The following ZFPM2 variants were observed in gnomAD, a reference collection of about 807,000 sequenced individuals.
ZFPM2 encodes zinc finger protein, FOG family member 2.
In ZFPM2, 20 loss-of-function variants were observed where a neutral mutation model predicts 98.6. The ratio of observed to expected loss-of-function variants is 0.20; its 90% CI spans 0.14 to 0.29. The LOEUF is 0.29. Ranked by LOEUF, ZFPM2 falls within the 10% of genes least tolerant of loss-of-function variation. ZFPM2 has a pLI of 1.00. For synonymous variants in ZFPM2, 518 were observed against 502.7 expected (o/e 1.03, Z -0.41); for missense variants, 1,310 against 1,388.6 (o/e 0.94, Z 0.90).
chr8:105,776,078 T>A (rs1813098235), intron 5 of ZFPM2, among the ~76,000 whole-genome samples: 1 of 151,746 alleles, frequency 6.6e-6, no homozygotes, highest in Non-Finnish European at 1.5e-5. Flanking sequence ...TAGGAGACAT[T>A]TTCTTACAAG....
At chr8:105,773,477 T>C (rs1813028434) in intron 5 of ZFPM2, among the ~76,000 whole-genome samples, 1 of 152,008 alleles carries the variant, frequency 6.6e-6, no homozygotes, top group Non-Finnish European at 1.5e-5. Context: ...TATGAAAATA[T>C]TCATTTGGAG....
intron 5 of ZFPM2, among the ~76,000 whole-genome samples, chr8:105,666,793 T>C (rs1057177681): frequency 1.3e-4 from 20 of 149,436 alleles, no homozygotes; most frequent in African/African-American, 4.8e-4. Context: ...TCTGCATTTT[T>C]TTACCACCAG....
chr8:105,460,701 C>T (rs1333037430), intron 3 of ZFPM2, among the ~76,000 whole-genome samples: 1 of 152,004 alleles, frequency 6.6e-6, no homozygotes, highest in Non-Finnish European at 1.5e-5. Context: ...AGTACTTTTA[C>T]CTTGCTTTGT....
intron 5 of ZFPM2, among the ~76,000 whole-genome samples, chr8:105,715,564 A>G (rs1302356982): frequency 1.3e-5 from 2 of 152,038 alleles, no homozygotes; most frequent in Admixed American, 1.3e-4. Context: ...AAAATTTATA[A>G]CAAATATGTA....
chr8:105,431,307 G>T (rs1253939626), intron 2 of ZFPM2, among the ~76,000 whole-genome samples: 4 of 152,162 alleles, frequency 2.6e-5, no homozygotes, highest in African/African-American at 9.7e-5. Flanking sequence ...ACTATGGAGG[G>T]TTTACAGATT....
At position 105,330,601 on chromosome 8, in the gene ZFPM2, T is replaced by TATACACATATATATATATAC. The variant is rs1554595010; in HGVS notation, c.40+11623_40+11624insCACATATATATATATACATA. ...ATATACATATATATATATACATATATATATATATACACATATATATATATA... is the reference window on the plus strand; with the variant it reads ...ATATACATATATATATATACATATATATACACATATATATATATACATATATATACACATATATATATATA... On this transcript the variant is annotated intron_variant, in intron 1 of 7. Coordinates refer to ENST00000407775, the MANE Select transcript of ZFPM2 (RefSeq NM_012082.4). Among the ~76,000 whole-genome samples, 8 of 27,194 alleles carry TATACACATATATATATATAC rather than the reference T, an allele frequency of 2.9e-4. No individual in the cohort carries two copies. In the South Asian group the frequency reaches 7.5e-3, roughly 26 times the overall value. 17.8% of individuals were successfully genotyped at this position (27,194 alleles called of 152,430 possible).
At chr8:105,344,251 A>G (rs561143840) in intron 1 of ZFPM2, among the ~76,000 whole-genome samples, 6 of 152,234 alleles carry the variant, frequency 3.9e-5, no homozygotes, top group African/African-American at 1.4e-4. Context: ...TCAAATCCTT[A>G]TTATCATTAT....
intron 3 of ZFPM2, among the ~76,000 whole-genome samples, chr8:105,552,600 A>G (rs548016569): frequency 6.6e-6 from 1 of 152,208 alleles, no homozygotes; most frequent in South Asian, 2.1e-4. Flanking sequence ...TGCAAGAGCT[A>G]GTCACACTCC....
intron 1 of ZFPM2, among the ~76,000 whole-genome samples, chr8:105,347,153 T>G (rs1475245552): frequency 6.7e-6 from 1 of 149,560 alleles, no homozygotes; most frequent in South Asian, 2.2e-4. Flanking sequence ...CCAAAACCCT[T>G]AGGTGTCAGA....
chr8:105,792,708 G>A (rs1315027822), intron 6 of ZFPM2, among the ~76,000 whole-genome samples: 1 of 152,150 alleles, frequency 6.6e-6, no homozygotes, highest in Non-Finnish European at 1.5e-5. Flanking sequence ...CATTATTAAC[G>A]TGTGGGAGTC....
intron 3 of ZFPM2, among the ~76,000 whole-genome samples, chr8:105,549,804 A>G (rs1814808577): frequency 6.6e-6 from 1 of 151,472 alleles, no homozygotes; most frequent in South Asian, 2.1e-4. Context: ...TTGTAGAGAT[A>G]TGGTCTCACT....
intron 5 of ZFPM2, among the ~76,000 whole-genome samples, chr8:105,744,456 C>A (rs1458742838): frequency 6.6e-6 from 1 of 151,954 alleles, no homozygotes; most frequent in African/African-American, 2.4e-5. Flanking sequence ...TCATGGGATC[C>A]AAAATAGAAT....
intron 1 of ZFPM2, among the ~76,000 whole-genome samples, chr8:105,350,713 A>G (rs2129709178): frequency 6.6e-6 from 1 of 152,272 alleles, no homozygotes; most frequent in East Asian, 1.9e-4. Context: ...TTACTTATTC[A>G]TTGGTTCTTC....
At chr8:105,327,122 G>C (rs1172155865) in intron 1 of ZFPM2, among the ~76,000 whole-genome samples, 1 of 151,346 alleles carries the variant, frequency 6.6e-6, no homozygotes, top group African/African-American at 2.4e-5. Flanking sequence ...GAAAACTTTT[G>C]TGGGCATCTC....
chr8:105,623,427 A>T (rs1816594433), intron 4 of ZFPM2, among the ~76,000 whole-genome samples: 1 of 152,238 alleles, frequency 6.6e-6, no homozygotes, highest in Admixed American at 6.5e-5. Context: ...ATGTCTGTAG[A>T]TGGATATAAG....
intron 3 of ZFPM2, among the ~76,000 whole-genome samples, chr8:105,514,815 C>T (rs1295244007): frequency 2.0e-5 from 3 of 152,162 alleles, no homozygotes; most frequent in Non-Finnish European, 4.4e-5. Flanking sequence ...GTCTTTTTCA[C>T]TAGACTCAAA....
intron 3 of ZFPM2, among the ~76,000 whole-genome samples, chr8:105,493,193 G>A (rs1813390045): frequency 6.6e-6 from 1 of 152,126 alleles, no homozygotes; most frequent in African/African-American, 2.4e-5. Flanking sequence ...GTTGATCTTA[G>A]GACTTCCAGT....
At chr8:105,362,367 G>A (rs562061353) in intron 1 of ZFPM2, among the ~76,000 whole-genome samples, 13 of 151,898 alleles carry the variant, frequency 8.6e-5, no homozygotes, top group African/African-American at 2.4e-4. Context: ...TACTAAGTTC[G>A]TATTTTACAG....
chr8:105,800,170 C>T (rs1002912365), intron 7 of ZFPM2, among the ~76,000 whole-genome samples: 3 of 152,090 alleles, frequency 2.0e-5, no homozygotes, highest in Admixed American at 6.5e-5. Context: ...TTTATGACTA[C>T]AGGACTAGGT....
Sources: gnomAD v4.1 joint callset for allele counts (sites outside exome capture counted in the v4.1 genomes callset) on GRCh38, gnomAD v4.1.1 for gene constraint, MANE v1.5 for transcripts, NCBI Gene and HGNC (gene_info 2026-07-23, HGNC 2026-07-21) for gene names.